Variants in DDX4 observed in about 807,000 individuals in gnomAD.
DDX4 encodes the protein DEAD-box helicase 4, also known as probable ATP-dependent RNA helicase DDX4.
A neutral mutation model predicts 100.0 loss-of-function variants in DDX4; 25 were observed. The ratio of observed to expected loss-of-function variants is 0.25; its 90% CI spans 0.18 to 0.35. The LOEUF is 0.35. Among genes scored for constraint, DDX4 ranks in the 10% least tolerant of loss-of-function variants. DDX4 has a pLI of 1.00. For missense variants in DDX4, 635 were observed against 882.4 expected (o/e 0.72, Z 3.55); for synonymous variants, 259 against 275.7 (o/e 0.94, Z 0.60).
chr5:55,786,718 G>T, intron 14 of DDX4, 48 bp downstream of exon 14: 4 of 1,503,814 alleles, frequency 2.7e-6, no homozygotes, highest in Non-Finnish European at 3.7e-6. Flanking sequence ...TTGAGCTTTG[G>T]TTCTTCCTTA....
Position 55,816,626 on chromosome 5 carries a change from TAAC to T in DDX4, c.*88_*90del. ...GAGTTTTTAACAGAAGTATAAAACTTAACATTCTCATAGCTCCTGTCCTTGTAT... is the reference window on the plus strand; with the variant it reads ...GAGTTTTTAACAGAAGTATAAAACTTATTCTCATAGCTCCTGTCCTTGTAT... On this transcript the variant is annotated 3_prime_UTR_variant, in exon 22 of 22. Transcript: ENST00000505374. 6.5e-7 allele frequency: 1 copy of T among 1,547,894 alleles called. No individual in the cohort carries two copies. The highest frequency in any genetic ancestry group is 1.2e-5 in the South Asian group (1 of 82,630).
At chr5:55,755,464 G>T (rs1436079558) in intron 3 of DDX4, among the ~76,000 whole-genome samples, 3 of 151,986 alleles carry the variant, frequency 2.0e-5, no homozygotes, top group African/African-American at 7.2e-5. Context: ...ATTTTTAAAT[G>T]AACTTTGTGT....
chr5:55,801,911 G>GA (rs1271867662), intron 18 of DDX4, among the ~76,000 whole-genome samples: 1 of 152,080 alleles, frequency 6.6e-6, no homozygotes, highest in African/African-American at 2.4e-5. Flanking sequence ...CTCACTCTAC[G>GA]AAAGGTCCCC....
chr5:55,747,349 G>C (rs1296557395), intron 3 of DDX4, among the ~76,000 whole-genome samples: 1 of 152,186 alleles, frequency 6.6e-6, no homozygotes. Context: ...CTGTACTCCA[G>C]CCTGGAGATG....
chr5:55,784,059 A>G (rs1179995083), intron 10 of DDX4, among the ~76,000 whole-genome samples: 1 of 151,900 alleles, frequency 6.6e-6, no homozygotes, highest in Non-Finnish European at 1.5e-5. Flanking sequence ...CTTATTGTTC[A>G]TCTCCCACTT....
chr5:55,749,426 T>C (rs1026882653), intron 3 of DDX4, among the ~76,000 whole-genome samples: 4 of 152,134 alleles, frequency 2.6e-5, no homozygotes, highest in African/African-American at 9.7e-5. Flanking sequence ...AGTGAAACCC[T>C]GTCTCTTAAA....
At chr5:55,785,970 C>T in intron 13 of DDX4, 99 bp downstream of exon 13, 1 of 776,022 alleles carries the variant, frequency 1.3e-6, no homozygotes, top group South Asian at 1.9e-5. Flanking sequence ...ATAGATTTCA[C>T]CTTTCGTATA....
At chr5:55,761,241 A>T (rs1740526220) in intron 4 of DDX4, among the ~76,000 whole-genome samples, 1 of 152,218 alleles carries the variant, frequency 6.6e-6, no homozygotes, top group Non-Finnish European at 1.5e-5. Context: ...AATTGTGCTA[A>T]GAGATTCAGA....
intron 16 of DDX4, 71 bp from the exon 17 acceptor site, chr5:55,792,570 G>T: frequency 5.1e-6 from 4 of 779,958 alleles, no homozygotes; most frequent in Non-Finnish European, 7.3e-6. Context: ...TTTAACAGTT[G>T]GAATTGTAGA....
intron 17 of DDX4, among the ~76,000 whole-genome samples, chr5:55,793,023 AGTGTGTGTGT>A (rs10551567): frequency 1.4e-4 from 20 of 144,760 alleles, no homozygotes; most frequent in South Asian, 2.2e-4. Flanking sequence ...TTATTTAAAA[AGTGTGTGTGT>A]GTGTGTGTGT....
chr5:55,744,566 A>G (rs773081403), intron 2 of DDX4, among the ~76,000 whole-genome samples: 31 of 152,388 alleles, frequency 2.0e-4, no homozygotes, highest in South Asian at 4.1e-4. Context: ...ACCTGCATTC[A>G]GCTATTGATT....
rs1742654904 is a variant in DDX4, at chr5:55,792,686, C to T, written c.1348C>T (p.Arg450Cys). Residue 450 changes from arginine (R) to cysteine (C), a missense_variant, in exon 17 of 22, where the codon CGC becomes TGC. By Grantham distance (180) the Arg-to-Cys change is radical. This residue lies in a region of DDX4 where 115 missense variants were observed against 224.7 expected (regional missense o/e 0.51). Coordinates refer to ENST00000505374, the MANE Select transcript of DDX4 (RefSeq NM_024415.3). ...ATACTTAGTTTTGGATGAAGCTGAT[C>T]GCATGTTGGATATGGGTTTTGGTCC... ...IKYLVLDEAD[R>C]MLDMGFGPEM... 2 of 1,596,042 alleles carry T rather than the reference C, an allele frequency of 1.3e-6. No homozygotes were observed. Among genetic ancestry groups the T allele is most frequent in the South Asian group, 1.1e-5 (1 of 88,652 alleles).
intron 18 of DDX4, among the ~76,000 whole-genome samples, chr5:55,804,130 G>A (rs1743528906): frequency 6.6e-6 from 1 of 152,044 alleles, no homozygotes; most frequent in Non-Finnish European, 1.5e-5. Flanking sequence ...CTTTTGAGAA[G>A]TGTCTGTTCA....
chr5:55,753,861 G>C (rs1239846700), intron 3 of DDX4, among the ~76,000 whole-genome samples: 1 of 126,102 alleles, frequency 7.9e-6, no homozygotes, highest in African/African-American at 3.0e-5. Context: ...GCAGTGGTTT[G>C]TAGTTCTCCT....
At chr5:55,815,487 T>C in intron 21 of DDX4, 64 bp downstream of exon 21, 1 of 1,543,644 alleles carries the variant, frequency 6.5e-7, no homozygotes, top group South Asian at 1.3e-5. Context: ...TTGTGCTTAA[T>C]ATTGTGAAGT....
intron 7 of DDX4, among the ~76,000 whole-genome samples, chr5:55,776,210 A>T (rs1367387208): frequency 6.6e-6 from 1 of 152,236 alleles, no homozygotes; most frequent in Non-Finnish European, 1.5e-5. Context: ...TTAAACACAG[A>T]TGAAGAGAAT....
At chr5:55,756,137 C>T (rs1759915498) in intron 3 of DDX4, among the ~76,000 whole-genome samples, 1 of 151,874 alleles carries the variant, frequency 6.6e-6, no homozygotes, top group Non-Finnish European at 1.5e-5. Flanking sequence ...CCAGTATTTG[C>T]CTGTTATGAG....
rs1051131501 is a variant in DDX4 at position 55,769,024 on chromosome 5, C to T, written c.394+1084C>T. ...TTATAGATTCTGGATATTAGGCCTT[C>T]GTCGGATGCATAGTTTGCAAATATT... is the stretch of plus-strand genomic sequence containing the variant. On this transcript the variant is annotated intron_variant, in intron 7 of 21. Coordinates refer to ENST00000505374, the MANE Select transcript of DDX4 (RefSeq NM_024415.3). Among the ~76,000 whole-genome samples, 7 of 152,104 alleles carry T rather than the reference C, an allele frequency of 4.6e-5. No individual in the cohort carries two copies. The South Asian group carries it at 8.3e-4, about 18-fold the overall frequency.
intron 4 of DDX4, among the ~76,000 whole-genome samples, chr5:55,762,557 G>A (rs1740632036): frequency 1.3e-5 from 2 of 152,090 alleles, no homozygotes; most frequent in South Asian, 2.1e-4. Flanking sequence ...CAAAATATTA[G>A]CAGTTGACAG....
Sources: gnomAD v4.1 joint callset for allele counts (sites outside exome capture counted in the v4.1 genomes callset) on GRCh38, gnomAD v4.1.1 for gene constraint, gnomAD v4.1.1 regional missense constraint, MANE v1.5 for transcripts, NCBI Gene and HGNC (gene_info 2026-07-23, HGNC 2026-07-21) for gene names.